Variants in PCDH11X observed in about 807,000 individuals in gnomAD.
The protein encoded by PCDH11X is protocadherin-11 X-linked.
In PCDH11X, 18 loss-of-function variants were observed where a neutral mutation model predicts 53.3. That is an observed-to-expected ratio of 0.34 (90% CI 0.23 to 0.50). The LOEUF is 0.50. PCDH11X is among the 20% of genes least tolerant of loss of function. The pLI is 0.98. For missense variants in PCDH11X, 570 were observed against 1,032.4 expected (o/e 0.55, Z 6.14); for synonymous variants, 279 against 393.3 (o/e 0.71, Z 3.44).
At chrX:92,339,656 G>T (rs2069705276) in intron 8 of PCDH11X, among the ~76,000 whole-genome samples, 1 of 108,859 alleles carries the variant, frequency 9.2e-6, no homozygotes, top group African/African-American at 3.4e-5. Context: ...ACAAGAAGTT[G>T]CTCACTATTG....
At chrX:91,955,626 CTG>C (rs1355845364) in intron 6 of PCDH11X, among the ~76,000 whole-genome samples, 1 of 111,401 alleles carries the variant, frequency 9.0e-6, no homozygotes, top group Admixed American at 9.6e-5. Flanking sequence ...TGCTGAGAGA[CTG>C]TTTATTATTA....
At chrX:91,987,322 T>C (rs2062242561) in intron 6 of PCDH11X, among the ~76,000 whole-genome samples, 1 of 111,339 alleles carries the variant, frequency 9.0e-6, no homozygotes. Context: ...CCTCAAGTGA[T>C]CCACCTGCCT....
intron 9 of PCDH11X, among the ~76,000 whole-genome samples, chrX:92,466,504 T>A (rs1212998801): frequency 5.5e-4 from 60 of 109,728 alleles, no homozygotes; most frequent in Non-Finnish European, 1.1e-3. Flanking sequence ...AATGGTTCCT[T>A]TTCTGGACCA....
intron 6 of PCDH11X, among the ~76,000 whole-genome samples, chrX:92,148,177 T>TTCCTTCCTTCCTTCCTTCC (rs1569389547): frequency 4.1e-5 from 1 of 24,372 alleles, no homozygotes; most frequent in African/African-American, 2.2e-4. Context: ...TCCTTCCTTC[T>TTCCTTCCTTCCTTCCTTCC]TTCTTTCTTT....
At chrX:91,962,087 C>T (rs956888359) in intron 6 of PCDH11X, among the ~76,000 whole-genome samples, 5 of 104,249 alleles carry the variant, frequency 4.8e-5, no homozygotes, top group African/African-American at 1.1e-4. Flanking sequence ...CATTCCACCC[C>T]GGCCCCTTCC....
Position 92,326,635 on chromosome X carries a change from TATATAG to T in PCDH11X, c.3145-61098_3145-61093del, listed in dbSNP as rs202228191. On this transcript the variant is annotated intron_variant, in intron 8 of 10. Coordinates refer to ENST00000682573, the MANE Select transcript of PCDH11X (RefSeq NM_032968.5). ...ATTTTTAATAAACTATATATATATA[TATATAG>T]AGAGAGAGAGAGAGAGAGAGAGAAA... Among the ~76,000 whole-genome samples the T allele has an allele frequency of 1.2e-3, 60 of 51,828 alleles. 9 individuals carry two copies. The highest frequency in any genetic ancestry group is 0.011 in the Middle Eastern group (1 of 94). 45.0% of individuals were successfully genotyped at this position (51,828 alleles called of 115,157 possible).
At chrX:92,412,082 GGAAGAA>G (rs34909414) in intron 9 of PCDH11X, among the ~76,000 whole-genome samples, 22 of 78,609 alleles carry the variant, frequency 2.8e-4, no homozygotes, top group East Asian at 9.4e-4. Flanking sequence ...AGGAGGAGGA[GGAAGAA>G]GAAGAAGAAG....
intron 10 of PCDH11X, among the ~76,000 whole-genome samples, chrX:92,512,155 C>T (rs1483710567): frequency 9.3e-6 from 1 of 107,162 alleles, no homozygotes; most frequent in Non-Finnish European, 1.9e-5. Flanking sequence ...ATATGAAGAC[C>T]ATACTGTCAT....
intron 10 of PCDH11X, among the ~76,000 whole-genome samples, chrX:92,586,541 T>A (rs1259169298): frequency 2.9e-5 from 3 of 104,284 alleles, no homozygotes; most frequent in Non-Finnish European, 5.9e-5. Flanking sequence ...CAACATTTAA[T>A]GATACTTTCT....
intron 8 of PCDH11X, among the ~76,000 whole-genome samples, chrX:92,270,529 T>C (rs190036105): frequency 2.7e-5 from 3 of 111,793 alleles, no homozygotes; most frequent in African/African-American, 6.5e-5. Context: ...TCAATCAATT[T>C]AGAAGTTTAC....
chrX:91,783,192 T>C (rs765108477), intron 1 of PCDH11X, among the ~76,000 whole-genome samples: 23 of 111,707 alleles, frequency 2.1e-4, no homozygotes, highest in African/African-American at 7.2e-4. Context: ...TCATGACGTA[T>C]AGCTGGCAGC....
At chrX:92,346,209 G>A (rs1404784967) in intron 8 of PCDH11X, among the ~76,000 whole-genome samples, 2 of 110,660 alleles carry the variant, frequency 1.8e-5, no homozygotes, top group Non-Finnish European at 3.8e-5. Flanking sequence ...GACCATTTTT[G>A]TTGTGGAAGA....
At chrX:92,294,691 A>G (rs1041036406) in intron 8 of PCDH11X, among the ~76,000 whole-genome samples, 16 of 111,160 alleles carry the variant, frequency 1.4e-4, no homozygotes, top group Non-Finnish European at 1.3e-4. Context: ...ATTTTCATAA[A>G]TGATTGTCCT....
intron 6 of PCDH11X, among the ~76,000 whole-genome samples, chrX:92,033,598 A>C (rs1397245122): frequency 9.2e-6 from 1 of 108,523 alleles, no homozygotes; most frequent in Non-Finnish European, 1.9e-5. Flanking sequence ...TTCAGTCATA[A>C]TGTCTCCTTT....
intron 9 of PCDH11X, among the ~76,000 whole-genome samples, chrX:92,449,317 A>G (rs1199325309): frequency 6.2e-5 from 7 of 112,081 alleles, no homozygotes; most frequent in Non-Finnish European, 1.3e-4. Flanking sequence ...CTTCTGTATT[A>G]GAAATTGTAA....
chrX:91,814,515 C>G (rs2147566567), intron 4 of PCDH11X, among the ~76,000 whole-genome samples: 1 of 102,202 alleles, frequency 9.8e-6, no homozygotes, highest in African/African-American at 3.5e-5. Flanking sequence ...CTACCTAAAA[C>G]AGAGCACACA....
At chrX:92,288,799 C>A (rs1245475512) in intron 8 of PCDH11X, among the ~76,000 whole-genome samples, 6 of 108,151 alleles carry the variant, frequency 5.5e-5, no homozygotes, top group Non-Finnish European at 1.1e-4. Context: ...TATATCATCC[C>A]AGTAAATAAT....
chrX:92,096,560 C>A (rs1392257056), intron 6 of PCDH11X, among the ~76,000 whole-genome samples: 3 of 108,689 alleles, frequency 2.8e-5, no homozygotes, highest in Non-Finnish European at 5.7e-5. Flanking sequence ...ACCTTTATGT[C>A]TGGGTAATTT....
chrX:91,921,530 T>C (rs1941737497), intron 6 of PCDH11X, among the ~76,000 whole-genome samples: 1 of 107,747 alleles, frequency 9.3e-6, no homozygotes, highest in South Asian at 4.2e-4. Flanking sequence ...AGTTTTACCT[T>C]TTCCAGAATG....
Sources: allele counts gnomAD v4.1 joint callset (sites outside exome capture counted in the v4.1 genomes callset), GRCh38; gene constraint gnomAD v4.1.1; transcripts MANE v1.5; gene names NCBI Gene and HGNC (gene_info 2026-07-23, HGNC 2026-07-21).